Variants in KAT6A observed in about 807,000 individuals in gnomAD.
KAT6A encodes histone acetyltransferase KAT6A.
KAT6A carries 9 observed loss-of-function variants against 198.4 expected under a neutral mutation model. That is an observed-to-expected ratio of 0.05 (90% CI 0.03 to 0.08). The LOEUF is 0.08. Among genes scored for constraint, KAT6A ranks in the 10% least tolerant of loss-of-function variants. KAT6A has a pLI of 1.00. For missense variants in KAT6A, 2,077 were observed against 2,509.9 expected, an observed-to-expected ratio of 0.83 and a Z score of 3.69; for synonymous variants, 890 against 883.0, an observed-to-expected ratio of 1.01 and a Z score of -0.14.
intron 2 of KAT6A, among the ~76,000 whole-genome samples, chr8:42,008,723 A>G (rs1043495903): frequency 5.3e-5 from 8 of 152,054 alleles, no homozygotes; most frequent in African/African-American, 1.9e-4. Context: ...GAAATGTTCT[A>G]TATCTCTGTT....
intron 2 of KAT6A, among the ~76,000 whole-genome samples, chr8:41,999,371 C>A (rs893334378): frequency 9.9e-5 from 15 of 152,226 alleles, no homozygotes; most frequent in African/African-American, 3.6e-4. Flanking sequence ...TATTGCCTCT[C>A]CCTTCCTTTG....
At chr8:41,989,273 C>T (rs1049308201) in intron 2 of KAT6A, among the ~76,000 whole-genome samples, 10 of 152,092 alleles carry the variant, frequency 6.6e-5, no homozygotes, top group African/African-American at 2.4e-4. Flanking sequence ...CTTTGGGAGG[C>T]CGAGGCGGGC....
At chr8:42,038,962 G>A (rs1827508377) in intron 2 of KAT6A, among the ~76,000 whole-genome samples, 1 of 152,058 alleles carries the variant, frequency 6.6e-6, no homozygotes, top group South Asian at 2.1e-4. Flanking sequence ...TTCTTCACCT[G>A]TTCCCTAATG....
At chr8:42,027,796 A>G (rs181619269) in intron 2 of KAT6A, among the ~76,000 whole-genome samples, 1 of 151,012 alleles carries the variant, frequency 6.6e-6, no homozygotes, top group Non-Finnish European at 1.5e-5. Flanking sequence ...TGCCTTTATT[A>G]TTTCTTTCTT....
Position 41,934,198 on chromosome 8 carries a change from A to G in KAT6A, c.4022T>C (p.Val1341Ala). The change falls in exon 17 of 17, where the codon GTC becomes GCC. Residue 1341 changes from valine to alanine, a missense_variant. Val to Ala is a moderately conservative substitution (Grantham distance 64). Around this residue, in one of 13 missense-constraint regions of KAT6A, gnomAD observed 375 missense variants for 383.0 expected, o/e 0.98. Coordinates refer to ENST00000265713, the MANE Select transcript of KAT6A (RefSeq NM_006766.5). ...ELEEQPTRED[V>A]KEEPGVQESF... ...CTCTTGAACACCAGGCTCCTCCTTG[A>G]CATCTTCCCTCGTGGGCTGTTCCTC... The G allele has an allele frequency of 6.2e-7, 1 of 1,614,012 alleles. No homozygotes were observed. Among genetic ancestry groups the G allele is most frequent in the Non-Finnish European group, 8.5e-7 (1 of 1,179,974 alleles).
intron 2 of KAT6A, among the ~76,000 whole-genome samples, chr8:42,045,077 A>C (rs886281356): frequency 1.3e-5 from 2 of 152,334 alleles, no homozygotes; most frequent in East Asian, 3.9e-4. Flanking sequence ...TAAACTTTTC[A>C]TATCTTTGGG....
At chr8:41,949,887 C>A (rs1380584773) in intron 9 of KAT6A, among the ~76,000 whole-genome samples, 1 of 152,178 alleles carries the variant, frequency 6.6e-6, no homozygotes, top group Non-Finnish European at 1.5e-5. Context: ...GGGGGACTCA[C>A]AATGTGCATT....
chr8:42,041,745 A>T (rs1460087733), intron 2 of KAT6A, among the ~76,000 whole-genome samples: 1 of 152,138 alleles, frequency 6.6e-6, no homozygotes, highest in Non-Finnish European at 1.5e-5. Flanking sequence ...CTCAAAAAAA[A>T]AAAAGAAAAG....
At chr8:42,039,019 G>A (rs1275206468) in intron 2 of KAT6A, among the ~76,000 whole-genome samples, 1 of 152,150 alleles carries the variant, frequency 6.6e-6, no homozygotes, top group Non-Finnish European at 1.5e-5. Flanking sequence ...TACATGTACA[G>A]GGCTGATGAA....
chr8:41,992,817 C>T (rs1159692217), intron 2 of KAT6A, among the ~76,000 whole-genome samples: 2 of 152,146 alleles, frequency 1.3e-5, no homozygotes, highest in Non-Finnish European at 2.9e-5. Context: ...TAGCAAAGTA[C>T]TTGGCCAATC....
intron 11 of KAT6A, among the ~76,000 whole-genome samples, 189 bp downstream of exon 11, chr8:41,947,562 A>T (rs1822459493): frequency 6.6e-6 from 1 of 152,224 alleles, no homozygotes; most frequent in Admixed American, 6.5e-5. Flanking sequence ...CTAGGAGAAT[A>T]TAGGTTGTTG....
intron 8 of KAT6A, among the ~76,000 whole-genome samples, chr8:41,962,866 G>T (rs753310639): frequency 6.6e-6 from 1 of 152,028 alleles, no homozygotes; most frequent in African/African-American, 2.4e-5. Flanking sequence ...TTGTGACTCG[G>T]GTCTTTGCAT....
At chr8:42,045,125 T>C (rs1802150230) in intron 2 of KAT6A, among the ~76,000 whole-genome samples, 1 of 152,136 alleles carries the variant, frequency 6.6e-6, no homozygotes, top group African/African-American at 2.4e-5. Context: ...AAAATAAGAC[T>C]CCATTTAAAA....
In KAT6A at chr8:42,031,318, G is replaced by T. The variant is rs374114646; in HGVS notation, c.600+17060C>A. Among the ~76,000 whole-genome samples the T allele has an allele frequency of 1.5e-4, 23 of 152,156 alleles. 1 individual carries two copies. Among genetic ancestry groups the T allele is most frequent in the African/African-American group, 5.5e-4 (23 of 41,510 alleles). On this transcript the variant is annotated intron_variant, in intron 2 of 16. Coordinates refer to ENST00000265713, the MANE Select transcript of KAT6A (RefSeq NM_006766.5). ...CAAAACAAATACTATCTTGAAGGAA[G>T]TGGCAAATGGTACTTTTCAGCTGAG...
chr8:41,974,640 T>G (rs1823957746), intron 8 of KAT6A, 64 bp downstream of exon 8: 5 of 953,008 alleles, frequency 5.2e-6, no homozygotes, highest in Non-Finnish European at 8.3e-6. Flanking sequence ...ACAATGTAAT[T>G]AATCTGCTGT....
intron 8 of KAT6A, among the ~76,000 whole-genome samples, chr8:41,970,606 A>G (rs1823740093): frequency 6.6e-6 from 1 of 152,202 alleles, no homozygotes; most frequent in South Asian, 2.1e-4. Context: ...CCTCGTTCTC[A>G]CTTTTACACT....
At chr8:42,011,705 A>G (rs892794873) in intron 2 of KAT6A, among the ~76,000 whole-genome samples, 1 of 151,668 alleles carries the variant, frequency 6.6e-6, no homozygotes. Context: ...GTGCCATTGC[A>G]CTCCAGCCTG....
rs1342950357 is a variant in KAT6A at position 41,932,554 on chromosome 8, C to T, written c.5666G>A (p.Arg1889His). The change falls in exon 17 of 17, where the codon CGC becomes CAC. Residue 1889 changes from arginine (R) to histidine (H), a missense_variant. Physicochemically the swap from Arg to His is conservative, Grantham distance 29. This residue lies in a region of KAT6A where 500 missense variants were observed against 577.2 expected (regional missense o/e 0.87). Transcript: ENST00000265713. ...CATGCCACGCTGAACAGCCAGTGCG[C>T]GAGGGCCAGCCTGCATGGCAACTGC... ...PSAVAMQAGPRALAVQRGMNM... is the reference protein window; with the variant it reads ...PSAVAMQAGPHALAVQRGMNM... 3 of 1,614,098 alleles carry T rather than the reference C, an allele frequency of 1.9e-6. No homozygotes were observed. The highest frequency in any genetic ancestry group is 1.7e-5 in the Admixed American group (1 of 60,004).
chr8:41,996,123 C>T (rs1420332824), intron 2 of KAT6A, among the ~76,000 whole-genome samples: 2 of 152,110 alleles, frequency 1.3e-5, no homozygotes, highest in African/African-American at 4.8e-5. Flanking sequence ...CAGTCAAGAA[C>T]CTGTTTTATT....
Sources: gnomAD v4.1 joint callset for allele counts (sites outside exome capture counted in the v4.1 genomes callset) on GRCh38, gnomAD v4.1.1 for gene constraint, gnomAD v4.1.1 regional missense constraint, MANE v1.5 for transcripts, NCBI Gene and HGNC (gene_info 2026-07-23, HGNC 2026-07-21) for gene names.